Variants in CLN8 observed in about 807,000 individuals in gnomAD.
The protein encoded by CLN8 is CLN8 transmembrane ER and ERGIC protein, also known as protein CLN8.
Under a neutral mutation model 15.7 loss-of-function variants are expected in CLN8, and 14 were observed. The observed-to-expected ratio is 0.89, with a 90% CI of 0.59 to 1.39. CLN8 has a LOEUF of 1.39. CLN8 is among the 40% of genes most tolerant of loss of function. The pLI, the probability that CLN8 is intolerant of heterozygous loss-of-function variation, is 0.00. For synonymous variants in CLN8, 188 were observed against 151.0 expected, an observed-to-expected ratio of 1.25 and a Z score of -1.80; for missense variants, 415 against 364.0, an observed-to-expected ratio of 1.14 and a Z score of -1.14.
chr8:1,778,240 T>C (rs1272625091), intron 2 of CLN8, among the ~76,000 whole-genome samples: 1 of 152,234 alleles, frequency 6.6e-6, no homozygotes, highest in African/African-American at 2.4e-5. Flanking sequence ...CCCCAGGGTC[T>C]GAGAACCAGC....
intron 2 of CLN8, 186 bp from the exon 3 acceptor site, chr8:1,780,064 A>C: frequency 1.0e-6 from 1 of 985,470 alleles, no homozygotes. Flanking sequence ...AGGTGCGCCC[A>C]CAGAGCTGGT....
chr8:1,776,274 G>A (rs760003519), intron 2 of CLN8, among the ~76,000 whole-genome samples: 19 of 152,240 alleles, frequency 1.2e-4, no homozygotes, highest in Non-Finnish European at 2.8e-4. Flanking sequence ...AGGGGCAGCT[G>A]TATGTGTGGT....
upstream of CLN8, chr8:1,762,617 A>G (rs1742195153): frequency 6.6e-6 from 1 of 152,240 alleles, no homozygotes; most frequent in Non-Finnish European, 1.5e-5. Flanking sequence ...ACGTTTTCCC[A>G]CATGTACTAA....
chr8:1,754,995 A>C (rs1800635144), upstream of CLN8, among the ~76,000 whole-genome samples: 1 of 152,082 alleles, frequency 6.6e-6, no homozygotes, highest in South Asian at 2.1e-4. Context: ...TGGTCTTGTG[A>C]TATCCTCTTC....
chr8:1,780,728 C>T lies in CLN8; in HGVS notation c.*161C>T. 1 of 680,948 alleles carries T rather than the reference C, an allele frequency of 1.5e-6. No individual in the cohort carries two copies. Among genetic ancestry groups the T allele is most frequent in the Non-Finnish European group, 2.4e-6 (1 of 410,204 alleles). 42.2% of individuals were successfully genotyped at this position (680,948 alleles called of 1,614,324 possible). ...CGCATTAGTATTAATTTTGAAGTAG[C>T]TACAAAGTATTTTTAAGAAATTATA... On this transcript the variant is annotated 3_prime_UTR_variant, in exon 3 of 3. Coordinates refer to ENST00000331222, the MANE Select transcript of CLN8 (RefSeq NM_018941.4).
chr8:1,772,520 A>G (rs779383761), intron 2 of CLN8, among the ~76,000 whole-genome samples: 14 of 152,096 alleles, frequency 9.2e-5, no homozygotes, highest in South Asian at 2.1e-4. Flanking sequence ...GTGCAGTGGC[A>G]TGATCTTGGC....
chr8:1,762,951 T>G (rs1800839231), upstream of CLN8: 1 of 152,140 alleles, frequency 6.6e-6, no homozygotes, highest in South Asian at 2.1e-4. Context: ...CAAAACACAT[T>G]AGACAGAAGA....
rs1024298774 is a variant in CLN8 at position 1,782,953 on chromosome 8, C to G, written c.*2386C>G. 6.6e-6 allele frequency: 1 copy of G among 152,256 alleles called. No individual in the cohort carries two copies. The highest frequency in any genetic ancestry group is 1.5e-5 in the Non-Finnish European group (1 of 68,072). 9.4% of individuals were successfully genotyped at this position (152,256 alleles called of 1,614,324 possible). A position where few individuals can be genotyped will look rare whatever the true frequency, so the allele number is the denominator to read the frequency against. ...TGGAGGTGCTGTAGAGAAGCACAGGCTCACCCGCTCCGTCCAGTGTCACCC... is the reference window on the plus strand; with the variant it reads ...TGGAGGTGCTGTAGAGAAGCACAGGGTCACCCGCTCCGTCCAGTGTCACCC... On this transcript the variant is annotated 3_prime_UTR_variant, in exon 3 of 3. Coordinates refer to ENST00000331222, the MANE Select transcript of CLN8 (RefSeq NM_018941.4).
At position 1,781,713 on chromosome 8, in the gene CLN8, T is replaced by A. The variant is rs1297950096; in HGVS notation, c.*1146T>A. On this transcript the variant is annotated 3_prime_UTR_variant, in exon 3 of 3. Transcript: ENST00000331222. Reference sequence around the variant, plus strand: ...CCAATCTAGACCCTAATTCTGTGGTTGGTGTTCCTCTGTAGATTTCAAGAC... The same window carrying A: ...CCAATCTAGACCCTAATTCTGTGGTAGGTGTTCCTCTGTAGATTTCAAGAC... 1 of 152,164 alleles carries A rather than the reference T, an allele frequency of 6.6e-6. No individual in the cohort carries two copies. The highest frequency in any genetic ancestry group is 1.5e-5 in the Non-Finnish European group (1 of 68,034). 9.4% of individuals were successfully genotyped at this position (152,164 alleles called of 1,614,324 possible).
At position 1,781,426 on chromosome 8, in the gene CLN8, G is replaced by C. The variant is rs529235902; in HGVS notation, c.*859G>C. On this transcript the variant is annotated 3_prime_UTR_variant, in exon 3 of 3. Transcript: ENST00000331222. ...GTACGGCAGTGCCATCTGGTGGCAA[G>C]TGGTACAAAGACAACGCTGAGGGGT... 6.8e-6 allele frequency: 1 copy of C among 147,044 alleles called. No homozygotes were observed. Among genetic ancestry groups the C allele is most frequent in the South Asian group, 2.2e-4 (1 of 4,574 alleles). 9.1% of individuals were successfully genotyped at this position (147,044 alleles called of 1,614,324 possible).
intron 2 of CLN8, among the ~76,000 whole-genome samples, chr8:1,773,289 G>A (rs1212032096): frequency 2.6e-5 from 4 of 152,150 alleles, no homozygotes; most frequent in Admixed American, 6.5e-5. Context: ...AGGCACAGTC[G>A]TCGCCAGTAC....
chr8:1,779,020 A>T (rs1379822777), intron 2 of CLN8, among the ~76,000 whole-genome samples: 1 of 152,216 alleles, frequency 6.6e-6, no homozygotes, highest in Non-Finnish European at 1.5e-5. Context: ...GTTTTACAAC[A>T]GAATGCTGAA....
intron 1 of CLN8, among the ~76,000 whole-genome samples, chr8:1,769,740 G>C (rs1033321480): frequency 6.6e-6 from 1 of 152,196 alleles, no homozygotes; most frequent in Non-Finnish European, 1.5e-5. Flanking sequence ...ACAGGTTCAG[G>C]CTTAGGTAAA....
chr8:1,764,764 A>C (rs1320984214), intron 1 of CLN8: 1 of 152,112 alleles, frequency 6.6e-6, no homozygotes, highest in Non-Finnish European at 1.5e-5. Flanking sequence ...TTGGGTGTGG[A>C]CAGTAGGGAG....
In CLN8 at chr8:1,782,461, G is replaced by C. The variant is rs1423237515; in HGVS notation, c.*1894G>C. ...CACCCGGCCCGGAGCGGTGTATTTT[G>C]ATTGCTGGTGCTTTAACTATATTGA... On this transcript the variant is annotated 3_prime_UTR_variant, in exon 3 of 3. Coordinates refer to ENST00000331222, the MANE Select transcript of CLN8 (RefSeq NM_018941.4). 6.6e-6 allele frequency: 1 copy of C among 152,194 alleles called. No homozygotes were observed. Among genetic ancestry groups the C allele is most frequent in the African/African-American group, 2.4e-5 (1 of 41,446 alleles). 9.4% of individuals were successfully genotyped at this position (152,194 alleles called of 1,614,324 possible). A position where few individuals can be genotyped will look rare whatever the true frequency, so the allele number is the denominator to read the frequency against.
upstream of CLN8, chr8:1,763,212 G>A (rs899174891): frequency 6.6e-6 from 1 of 151,884 alleles, no homozygotes; most frequent in East Asian, 1.9e-4. Flanking sequence ...CTGGAGAACG[G>A]CGCGGTCAGG....
At chr8:1,771,675 T>A in intron 2 of CLN8, 78 bp downstream of exon 2, 1 of 1,337,438 alleles carries the variant, frequency 7.5e-7, no homozygotes, top group Non-Finnish European at 1.0e-6. Context: ...GACGCTGCCA[T>A]AAACTCAACA....
intron 2 of CLN8, among the ~76,000 whole-genome samples, chr8:1,774,969 A>G (rs1801455121): frequency 6.6e-6 from 1 of 152,126 alleles, no homozygotes; most frequent in Non-Finnish European, 1.5e-5. Context: ...CAAGAGTGAG[A>G]CCCTATCTCA....
rs188259026 is a variant in CLN8, at chr8:1,771,563, C to T, written c.509C>T (p.Thr170Met). 8 of 1,614,062 alleles carry T rather than the reference C, an allele frequency of 5.0e-6. No homozygotes were observed. Among genetic ancestry groups the T allele is most frequent in the South Asian group, 3.3e-5 (3 of 91,084 alleles). ...AMTTLLLEMS[T>M]PFTCVSWMLL... ...ACCACGTTGCTCCTGGAGATGAGCA[C>T]GCCCTTTACCTGCGTTTCCTGGATG... is the stretch of plus-strand genomic sequence containing the variant. The change falls in exon 2 of 3, where the codon ACG (threonine) becomes ATG (methionine). Residue 170 changes from threonine to methionine, a missense_variant. Transcript: ENST00000331222.
Sources: allele counts gnomAD v4.1 joint callset (sites outside exome capture counted in the v4.1 genomes callset), GRCh38; gene constraint gnomAD v4.1.1; transcripts MANE v1.5; gene names NCBI Gene and HGNC (gene_info 2026-07-23, HGNC 2026-07-21).